TOMM20: variants seen among roughly 807,000 people sequenced by gnomAD.
The protein encoded by TOMM20 is mitochondrial import receptor subunit TOM20 homolog.
A neutral mutation model predicts 22.1 loss-of-function variants in TOMM20; 10 were observed. The observed-to-expected ratio is 0.45, with a 90% CI of 0.28 to 0.77. The LOEUF is 0.77. Ranked by LOEUF, TOMM20 falls within the 30% of genes least tolerant of loss-of-function variation. TOMM20 has a pLI of 0.13. For synonymous variants in TOMM20, 55 were observed against 61.4 expected, an observed-to-expected ratio of 0.90 and a Z score of 0.49; for missense variants, 121 against 172.2, an observed-to-expected ratio of 0.70 and a Z score of 1.66.
At chr1:235,113,944 A>G in intron 3 of TOMM20, 34 bp from the exon 4 acceptor site, 1 of 1,539,160 alleles carries the variant, frequency 6.5e-7, no homozygotes, top group Non-Finnish European at 8.8e-7. Context: ...ATGTAACCTG[A>G]AAAGCCTTGG....
intron 2 of TOMM20, 70 bp downstream of exon 2, chr1:235,122,233 TTTTCCAATTACATTTTAATTACA>T: frequency 8.3e-7 from 1 of 1,202,050 alleles, no homozygotes; most frequent in Non-Finnish European, 1.1e-6. Flanking sequence ...TCAACTAGCT[TTTTCCAATTACATTTTAATTACA>T]TTTCCAATTA....
chr1:235,126,285 A>G (rs1661021843), intron 1 of TOMM20, among the ~76,000 whole-genome samples: 1 of 151,052 alleles, frequency 6.6e-6, no homozygotes, highest in Non-Finnish European at 1.5e-5. Flanking sequence ...GGCGTGCACC[A>G]CCACACCCGG....
rs2102805683 is a variant in TOMM20, at chr1:235,109,797, CA to C, written c.*2266del. The C allele has an allele frequency of 6.6e-6, 1 of 152,294 alleles. No individual in the cohort carries two copies. Among genetic ancestry groups the C allele is most frequent in the African/African-American group, 2.4e-5 (1 of 41,562 alleles). 9.4% of individuals were successfully genotyped at this position (152,294 alleles called of 1,614,324 possible). On this transcript the variant is annotated 3_prime_UTR_variant, in exon 5 of 5. Transcript: ENST00000366607. ...GCACTAATACATTATTTTCCATTTC[CA>C]AAGTTTTTTAGTAAGTGTGCAACAT...
intron 1 of TOMM20, among the ~76,000 whole-genome samples, chr1:235,124,382 T>C (rs1046671928): frequency 1.3e-5 from 2 of 152,162 alleles, no homozygotes; most frequent in Non-Finnish European, 2.9e-5. Flanking sequence ...GGTACTATTA[T>C]CATCCCCATT....
chr1:235,119,176 G>C (rs1019321497), intron 3 of TOMM20, among the ~76,000 whole-genome samples: 1 of 152,150 alleles, frequency 6.6e-6, no homozygotes, highest in African/African-American at 2.4e-5. Flanking sequence ...TCTCACGTTT[G>C]TCAATTTGAT....
At chr1:235,122,983 GT>G (rs1660952248) in intron 1 of TOMM20, among the ~76,000 whole-genome samples, 1 of 152,278 alleles carries the variant, frequency 6.6e-6, no homozygotes, top group South Asian at 2.1e-4. Flanking sequence ...GACATAGAGA[GT>G]AACTGCTGAC....
intron 1 of TOMM20, among the ~76,000 whole-genome samples, chr1:235,123,440 G>A (rs1300793464): frequency 6.6e-6 from 1 of 152,180 alleles, no homozygotes; most frequent in Non-Finnish European, 1.5e-5. Context: ...AGCAGAGACT[G>A]TGCCACTGCA....
chr1:235,113,669 G>GAAA, intron 4 of TOMM20, 99 bp downstream of exon 4: 1 of 1,434,554 alleles, frequency 7.0e-7, no homozygotes, highest in Non-Finnish European at 9.4e-7. Context: ...ATACAGATAA[G>GAAA]TTTATTTCAT....
intron 3 of TOMM20, chr1:235,119,339 C>A (rs746005280): frequency 6.6e-6 from 1 of 152,378 alleles, no homozygotes; most frequent in African/African-American, 2.4e-5. Flanking sequence ...ATGAACTCAC[C>A]GTGTGACCTT....
At chr1:235,116,370 C>G (rs1026147527) in intron 3 of TOMM20, among the ~76,000 whole-genome samples, 2 of 151,838 alleles carry the variant, frequency 1.3e-5, no homozygotes, top group Non-Finnish European at 2.9e-5. Flanking sequence ...GAAACCCGGT[C>G]TCTACTAAAA....
intron 3 of TOMM20, among the ~76,000 whole-genome samples, chr1:235,116,934 G>A (rs549424086): frequency 3.3e-5 from 5 of 150,262 alleles, no homozygotes; most frequent in Admixed American, 6.6e-5. Context: ...AGGAGATCGA[G>A]ACCATCCTGG....
In TOMM20 at chr1:235,116,902, A is replaced by G. The variant is rs80047774; in HGVS notation, c.250+2916T>C. On this transcript the variant is annotated intron_variant, in intron 3 of 4. Transcript: ENST00000366607. ...TGTAATCCCAGCACTTTGGGAGGCC[A>G]AGGCGGGCGGATCACAAGGTCAGGA... is the stretch of plus-strand genomic sequence containing the variant. 7.9e-3 allele frequency among the ~76,000 whole-genome samples: 1,207 copies of G among 152,042 alleles called. 5 individuals carry two copies. The highest frequency in any genetic ancestry group is 0.037 in the East Asian group (189 of 5,132).
chr1:235,122,875 T>C (rs2102812209), intron 1 of TOMM20, among the ~76,000 whole-genome samples: 1 of 152,354 alleles, frequency 6.6e-6, no homozygotes, highest in Non-Finnish European at 1.5e-5. Flanking sequence ...TACTTGAGCA[T>C]CATCAGAATT....
In TOMM20 at chr1:235,128,758, C is replaced by G. The variant is rs1412925106; in HGVS notation, c.-43G>C. 5.0e-6 allele frequency: 8 copies of G among 1,611,738 alleles called. No individual in the cohort carries two copies. The highest frequency in any genetic ancestry group is 6.8e-6 in the Non-Finnish European group (8 of 1,179,138). On this transcript the variant is annotated 5_prime_UTR_variant, in exon 1 of 5. Transcript: ENST00000366607. Reference sequence around the variant, plus strand: ...GCGTGGACGGTGGCGGCAGGGACCGCGAAGGAGCGGTGGGCCACGAACCCT... The same window carrying G: ...GCGTGGACGGTGGCGGCAGGGACCGGGAAGGAGCGGTGGGCCACGAACCCT...
At chr1:235,112,844 T>C (rs1161218414) in intron 4 of TOMM20, among the ~76,000 whole-genome samples, 1 of 152,172 alleles carries the variant, frequency 6.6e-6, no homozygotes, top group East Asian at 1.9e-4. Context: ...AATAGCGTAA[T>C]ATTAAACCGA....
chr1:235,116,309 G>C (rs1660825944), intron 3 of TOMM20, among the ~76,000 whole-genome samples: 1 of 152,034 alleles, frequency 6.6e-6, no homozygotes, highest in Admixed American at 6.6e-5. Flanking sequence ...GGGAGGCTGA[G>C]GTGGGTGGAT....
In TOMM20 at chr1:235,128,803, C is replaced by G. The variant is rs1661084644; in HGVS notation, c.-88G>C. 6.3e-7 allele frequency: 1 copy of G among 1,577,584 alleles called. No individual in the cohort carries two copies. Among genetic ancestry groups the G allele is most frequent in the Non-Finnish European group, 8.6e-7 (1 of 1,163,420 alleles). ...AACCCTCAGAGCGGTCGGCGCAGCT[C>G]ACACCCGACGGCCGCGGGCCAGGAA... On this transcript the variant is annotated 5_prime_UTR_variant, in exon 1 of 5. Transcript: ENST00000366607.
intron 1 of TOMM20, among the ~76,000 whole-genome samples, chr1:235,123,547 T>G (rs1383221520): frequency 2.6e-5 from 4 of 152,210 alleles, no homozygotes; most frequent in African/African-American, 9.6e-5. Context: ...GTACCTTTTC[T>G]TAGTCAACCC....
At chr1:235,117,107 C>A (rs370348002) in intron 3 of TOMM20, among the ~76,000 whole-genome samples, 16 of 127,346 alleles carry the variant, frequency 1.3e-4, no homozygotes, top group African/African-American at 4.6e-4. Context: ...TGCACTCCAG[C>A]CTGGGCGACA....
Sources: allele counts gnomAD v4.1 joint callset (sites outside exome capture counted in the v4.1 genomes callset), GRCh38; gene constraint gnomAD v4.1.1; transcripts MANE v1.5; gene names NCBI Gene and HGNC (gene_info 2026-07-23, HGNC 2026-07-21).